Variants in COPS3 observed in about 807,000 individuals in gnomAD.
COPS3 encodes COP9 signalosome subunit 3.
In COPS3, 10 loss-of-function variants were observed where a neutral mutation model predicts 58.2. The ratio of observed to expected loss-of-function variants is 0.17; its 90% CI spans 0.11 to 0.29. The LOEUF is 0.29. Ranked by LOEUF, COPS3 falls within the 10% of genes least tolerant of loss-of-function variation. The pLI, the probability that COPS3 is intolerant of heterozygous loss-of-function variation, is 1.00. For missense variants in COPS3, 333 were observed against 510.1 expected, an observed-to-expected ratio of 0.65 and a Z score of 3.34; for synonymous variants, 187 against 181.7, an observed-to-expected ratio of 1.03 and a Z score of -0.24.
chr17:17,273,064 T>G (rs982241814), intron 2 of COPS3, among the ~76,000 whole-genome samples: 3 of 152,236 alleles, frequency 2.0e-5, no homozygotes, highest in Non-Finnish European at 4.4e-5. Flanking sequence ...TGTTATAGTA[T>G]TATAAATTGG....
intron 6 of COPS3, among the ~76,000 whole-genome samples, chr17:17,262,429 T>A (rs754496098): frequency 1.3e-5 from 2 of 152,076 alleles, no homozygotes; most frequent in Non-Finnish European, 2.9e-5. Flanking sequence ...GCTTGACTAA[T>A]TTTAAAATTT....
intron 7 of COPS3, 189 bp from the exon 8 acceptor site, chr17:17,260,663 C>T (rs1384540933): frequency 1.7e-5 from 8 of 465,726 alleles, no homozygotes; most frequent in East Asian, 7.8e-5. Flanking sequence ...ATTAACTGAG[C>T]GTGATAGCAC....
chr17:17,251,959 C>T (rs2047856092), intron 9 of COPS3, among the ~76,000 whole-genome samples: 1 of 151,934 alleles, frequency 6.6e-6, no homozygotes, highest in Admixed American at 6.6e-5. Flanking sequence ...GTCCCAGCTA[C>T]TCGGGAGGCT....
At chr17:17,267,473 A>G (rs1048550882) in intron 5 of COPS3, among the ~76,000 whole-genome samples, 1 of 151,522 alleles carries the variant, frequency 6.6e-6, no homozygotes, top group Non-Finnish European at 1.5e-5. Flanking sequence ...ACCCTGTTCT[A>G]CTAAAAATAC....
intron 5 of COPS3, among the ~76,000 whole-genome samples, chr17:17,266,624 C>T (rs552423627): frequency 6.6e-6 from 1 of 151,640 alleles, no homozygotes; most frequent in African/African-American, 2.4e-5. Context: ...AATGGTGAAA[C>T]CCCATCTCTA....
At chr17:17,251,695 T>C (rs942942502) in intron 9 of COPS3, among the ~76,000 whole-genome samples, 2 of 152,154 alleles carry the variant, frequency 1.3e-5, no homozygotes, top group African/African-American at 4.8e-5. Flanking sequence ...ACTCTCACAA[T>C]GCTGAGCCAA....
At chr17:17,269,537 A>G (rs1194659411) in intron 4 of COPS3, among the ~76,000 whole-genome samples, 2 of 152,216 alleles carry the variant, frequency 1.3e-5, no homozygotes, top group African/African-American at 4.8e-5. Flanking sequence ...TGGAGGTTGC[A>G]GTGAGCTGAG....
intron 4 of COPS3, among the ~76,000 whole-genome samples, chr17:17,269,635 A>G (rs1396883190): frequency 2.0e-5 from 3 of 152,176 alleles, no homozygotes; most frequent in Non-Finnish European, 2.9e-5. Context: ...AAAAATCCAC[A>G]TTATAAATTA....
chr17:17,269,532 G>T (rs2048300926), intron 4 of COPS3, among the ~76,000 whole-genome samples: 1 of 152,158 alleles, frequency 6.6e-6, no homozygotes, highest in South Asian at 2.1e-4. Flanking sequence ...GAAGGTGGAG[G>T]TTGCAGTGAG....
rs1555617253 is a variant in COPS3, at chr17:17,254,829, A to AAAG, written c.1023+29_1023+30insCTT. The stretch of plus-strand genomic sequence containing the variant: ...ATCTCAAAAAGAAAAAAAAAAAAAA[A>AAAG]AAAGAAAAAGAAAAAGAAAATCCAC... On this transcript the variant is annotated intron_variant, in intron 9 of 11. Transcript: ENST00000268717. 8 of 1,414,402 alleles carry AAAG rather than the reference A, an allele frequency of 5.7e-6. No individual in the cohort carries two copies. The African/African-American group carries it at 1.0e-4, about 18-fold the overall frequency. The allele number at this position is 1,414,402 out of a possible 1,614,324, so 87.6% of individuals were successfully genotyped here.
chr17:17,268,834 A>G (rs1326051100), intron 4 of COPS3, among the ~76,000 whole-genome samples: 1 of 145,958 alleles, frequency 6.9e-6, no homozygotes, highest in African/African-American at 2.7e-5. Context: ...AACAACAACA[A>G]CAACAACAAC....
At chr17:17,270,193 T>C (rs566113058) in intron 4 of COPS3, among the ~76,000 whole-genome samples, 1 of 152,096 alleles carries the variant, frequency 6.6e-6, no homozygotes, top group East Asian at 1.9e-4. Flanking sequence ...TTCTGGATGC[T>C]GACCATTACA....
At chr17:17,263,339 T>G (rs2048148100) in intron 6 of COPS3, among the ~76,000 whole-genome samples, 3 of 151,726 alleles carry the variant, frequency 2.0e-5, no homozygotes, top group Admixed American at 6.6e-5. Flanking sequence ...TAGCTGGGAT[T>G]ACAGGCGCCT....
chr17:17,269,330 CAGA>C (rs1377070671), intron 4 of COPS3, among the ~76,000 whole-genome samples: 3 of 152,188 alleles, frequency 2.0e-5, no homozygotes, highest in Admixed American at 6.6e-5. Flanking sequence ...GAGGCTGAGG[CAGA>C]AGAACTGCTT....
In COPS3 at chr17:17,255,070, G is replaced by C. The variant is rs1055805163; in HGVS notation, c.937-125C>G. Reference sequence around the variant, plus strand: ...TAATCCCAGCACTTTGGGAGGCTGAGGTGGGCAGATCATGAGGCCAGGAGA... The same window carrying C: ...TAATCCCAGCACTTTGGGAGGCTGACGTGGGCAGATCATGAGGCCAGGAGA... On this transcript the variant is annotated intron_variant, in intron 8 of 11. Transcript: ENST00000268717. 7 of 625,448 alleles carry C rather than the reference G, an allele frequency of 1.1e-5. No homozygotes were observed. The African/African-American group carries it at 1.3e-4, about 12-fold the overall frequency. 38.7% of individuals were successfully genotyped at this position (625,448 alleles called of 1,614,324 possible).
chr17:17,256,802 AC>A (rs2047986243), intron 8 of COPS3, among the ~76,000 whole-genome samples: 1 of 152,018 alleles, frequency 6.6e-6, no homozygotes, highest in South Asian at 2.1e-4. Flanking sequence ...AGTTGCCCAG[AC>A]TGGTTTCAAG....
intron 1 of COPS3, 169 bp from the exon 2 acceptor site, chr17:17,276,333 C>T (rs185289709): frequency 4.4e-5 from 34 of 765,196 alleles, no homozygotes; most frequent in African/African-American, 7.0e-5. Flanking sequence ...ACAACCTGTC[C>T]GTGGTCTCAA....
intron 6 of COPS3, among the ~76,000 whole-genome samples, chr17:17,263,576 C>T (rs963932133): frequency 2.8e-5 from 4 of 142,686 alleles, no homozygotes; most frequent in Admixed American, 7.4e-5. Context: ...TGCAATGGCA[C>T]GATCTCGGCT....
At chr17:17,263,757 G>A (rs187076853) in intron 6 of COPS3, among the ~76,000 whole-genome samples, 16 of 151,954 alleles carry the variant, frequency 1.1e-4, no homozygotes, top group Non-Finnish European at 1.8e-4. Context: ...CAGGTGATCC[G>A]CCGGCCTCGG....
Sources: allele counts gnomAD v4.1 joint callset (sites outside exome capture counted in the v4.1 genomes callset), GRCh38; gene constraint gnomAD v4.1.1; transcripts MANE v1.5; gene names NCBI Gene and HGNC (gene_info 2026-07-23, HGNC 2026-07-21).